The following IL16 variants were observed in gnomAD, a reference collection of about 807,000 sequenced individuals.
The protein encoded by IL16 is interleukin 16.
A neutral mutation model predicts 110.1 loss-of-function variants in IL16; 67 were observed. The ratio of observed to expected loss-of-function variants is 0.61; its 90% confidence interval spans 0.50 to 0.75. IL16 has a LOEUF of 0.75. Ranked by LOEUF, IL16 falls within the 30% of genes least tolerant of loss-of-function variation. The probability of loss-of-function intolerance (pLI) is 0.00; values close to 1 mark genes in which losing one functional copy is unlikely to be tolerated. For missense variants in IL16, 1,545 were observed against 1,655.0 expected, an observed-to-expected ratio of 0.93 and a Z score of 1.15; for synonymous variants, 689 against 662.9, an observed-to-expected ratio of 1.04 and a Z score of -0.61.
At chr15:81,193,520 G>A (rs1895531093), upstream of IL16, among the ~76,000 whole-genome samples, 2 of 152,054 alleles carry the variant, frequency 1.3e-5, no homozygotes, top group Admixed American at 1.3e-4. Context: ...CTTAGTGATG[G>A]AATATTACTT....
intron 5 of IL16, among the ~76,000 whole-genome samples, chr15:81,271,999 G>T (rs976750748): frequency 6.6e-6 from 1 of 152,244 alleles, no homozygotes; most frequent in Non-Finnish European, 1.5e-5. Context: ...TAAAGGGTCT[G>T]TCTAGGAGCC....
intron 1 of IL16, among the ~76,000 whole-genome samples, chr15:81,211,998 CTGAT>C (rs1334232648): frequency 6.6e-6 from 1 of 152,142 alleles, no homozygotes; most frequent in Non-Finnish European, 1.5e-5. Context: ...TGGTATTAGA[CTGAT>C]TGTGGCTTCA....
At position 81,300,269 on chromosome 15, in the gene IL16, C is replaced by A. The variant is rs575809541; in HGVS notation, c.2943C>A (p.Asp981Glu). 4 of 1,614,100 alleles carry A rather than the reference C, an allele frequency of 2.5e-6. No homozygotes were observed. The highest frequency in any genetic ancestry group is 2.7e-5 in the African/African-American group (2 of 74,930). ...AGTCCTGTGAGACGAAGCTACTTGA[C>A]GAAAAGACCAGCAAACTCTATTCTA... Reference protein sequence around the residue: ...RSQSCETKLLDEKTSKLYSIS... With the variant: ...RSQSCETKLLEEKTSKLYSIS... The change falls in exon 14 of 19, where the codon GAC becomes GAA. Residue 981 changes from aspartate to glutamate, a missense_variant. Physicochemically the swap from Asp to Glu is conservative, Grantham distance 45. Coordinates refer to ENST00000683961, the MANE Select transcript of IL16 (RefSeq NM_172217.5).
Position 81,269,587 on chromosome 15 carries a change from C to T in IL16, c.614C>T (p.Pro205Leu), listed in dbSNP as rs780811372. 1.2e-6 allele frequency: 2 copies of T among 1,614,176 alleles called. No homozygotes were observed. The highest frequency in any genetic ancestry group is 1.1e-5 in the South Asian group (1 of 91,084). The change falls in exon 5 of 19, where the codon CCA becomes CTA. Residue 205 changes from proline (P) to leucine (L), a missense_variant. This residue lies in a region of IL16 where 1,185 missense variants were observed against 1,238.8 expected (regional missense o/e 0.96). Transcript: ENST00000683961. ...CTGAGCACAGCTCAGCTCGTGCAGC[C>T]ATCTGGGGGCCTCCAGGCTTCAGTC... ...RSLSTAQLVQ[P>L]SGGLQASVIS... is the part of the protein sequence containing the mutation.
chr15:81,295,197 C>T lies in IL16; in HGVS notation c.1903-1731C>T, dbSNP rs184620710. 49 of 176,350 alleles carry T rather than the reference C, an allele frequency of 2.8e-4. 1 individual carries two copies. The East Asian group carries it at 8.0e-3, about 29-fold the overall frequency. 10.9% of individuals were successfully genotyped at this position (176,350 alleles called of 1,614,324 possible). Reference sequence around the variant, plus strand: ...AACAAACAAAAAAACCAAACAAAAACGTACTTTCTCCCCACTATGCTGAAT... The same window carrying T: ...AACAAACAAAAAAACCAAACAAAAATGTACTTTCTCCCCACTATGCTGAAT... On this transcript the variant is annotated intron_variant, in intron 12 of 18. Coordinates refer to ENST00000683961, the MANE Select transcript of IL16 (RefSeq NM_172217.5).
chr15:81,235,815 G>A (rs1897160677), intron 2 of IL16, among the ~76,000 whole-genome samples: 1 of 152,162 alleles, frequency 6.6e-6, no homozygotes, highest in African/African-American at 2.4e-5. Context: ...CCACCCTTAA[G>A]GCAGAGAGTC....
intron 8 of IL16, among the ~76,000 whole-genome samples, chr15:81,281,724 T>C (rs1308960125): frequency 2.0e-5 from 3 of 152,098 alleles, no homozygotes. Context: ...GCCCAGTTAC[T>C]CAAGCCAAAC....
rs184833442 is a variant in IL16 at position 81,186,201 on chromosome 15, G to A, written c.40+3305G>A. 1.1e-4 allele frequency among the ~76,000 whole-genome samples: 16 copies of A among 152,306 alleles called. No individual in the cohort carries two copies. The East Asian group carries it at 3.1e-3, about 29-fold the overall frequency. On this transcript the variant is annotated intron_variant, in intron 1 of 18. Transcript: ENST00000302987. ...CTTTCAGCACCAGGCATTGATTTAG[G>A]ATCAACCTGCATGAGCACTGACTCA... is the stretch of plus-strand genomic sequence containing the variant.
At chr15:81,294,556 G>C (rs554270643) in intron 12 of IL16, among the ~76,000 whole-genome samples, 2 of 152,280 alleles carry the variant, frequency 1.3e-5, no homozygotes, top group South Asian at 2.1e-4. Flanking sequence ...ACTTCCCACA[G>C]GTCATCTTTC....
chr15:81,189,569 T>C (rs1212828092), intron 1 of IL16, among the ~76,000 whole-genome samples: 1 of 152,158 alleles, frequency 6.6e-6, no homozygotes, highest in Non-Finnish European at 1.5e-5. Flanking sequence ...ACAGGTCTGA[T>C]CCACTACGAC....
rs2141668596 is a variant in IL16, at chr15:81,313,399, G to A, written c.*4601G>A. The A allele has an allele frequency of 6.5e-7, 1 of 1,543,080 alleles. No individual in the cohort carries two copies. The highest frequency in any genetic ancestry group is 1.2e-5 in the South Asian group (1 of 80,224). On this transcript the variant is annotated 3_prime_UTR_variant, in exon 19 of 19. Coordinates refer to ENST00000683961, the MANE Select transcript of IL16 (RefSeq NM_172217.5). ...AATGTGACCAGGTTGGTCTTGGTGGGTTCCCTGTGAAGGCAACAGCAGAGC... is the reference window on the plus strand; with the variant it reads ...AATGTGACCAGGTTGGTCTTGGTGGATTCCCTGTGAAGGCAACAGCAGAGC...
In IL16 at chr15:81,290,434, G is replaced by C; in HGVS notation, c.1333-19G>C. ...GGAGCTTCTACTGTTTGTTTGAGGA[G>C]ATGACTGATATTTTCTAGGTCTCTG... On this transcript the variant is annotated intron_variant, in intron 10 of 18. Coordinates refer to ENST00000683961, the MANE Select transcript of IL16 (RefSeq NM_172217.5). 1 of 1,592,508 alleles carries C rather than the reference G, an allele frequency of 6.3e-7. No individual in the cohort carries two copies. The highest frequency in any genetic ancestry group is 2.3e-5 in the East Asian group (1 of 44,170).
At chr15:81,188,285 G>A (rs1895445817) in intron 1 of IL16, 4 of 455,684 alleles carry the variant, frequency 8.8e-6, no homozygotes, top group South Asian at 4.7e-5. Flanking sequence ...ATGAGGTGGA[G>A]AGGGGGAGGG....
rs149734206 is a variant in IL16, at chr15:81,183,853, C to G, written c.40+957C>G. Among the ~76,000 whole-genome samples the G allele has an allele frequency of 3.0e-3, 456 of 152,318 alleles. 2 individuals are homozygous for G. Among genetic ancestry groups the G allele is most frequent in the African/African-American group, 0.011 (445 of 41,566 alleles). ...AAGGCATTCAAAGGCTCACTTTCCT[C>G]CTTTGCAAAACGGTGGTCATAAATT... is the stretch of plus-strand genomic sequence containing the variant. On this transcript the variant is annotated intron_variant, in intron 1 of 18. Transcript: ENST00000302987.
At chr15:81,252,559 C>T (rs1377663736) in intron 2 of IL16, among the ~76,000 whole-genome samples, 1 of 152,068 alleles carries the variant, frequency 6.6e-6, no homozygotes, top group Non-Finnish European at 1.5e-5. Flanking sequence ...CAGAGTTGTA[C>T]AACCACACCA....
At position 81,296,971 on chromosome 15, in the gene IL16, C is replaced by A; in HGVS notation, c.1946C>A (p.Thr649Lys). The A allele has an allele frequency of 6.2e-7, 1 of 1,613,698 alleles. No individual in the cohort carries two copies. Among genetic ancestry groups the A allele is most frequent in the East Asian group, 2.2e-5 (1 of 44,872 alleles). Residue 649 changes from threonine to lysine, a missense_variant, in exon 13 of 19, where the codon ACA becomes AAA. Physicochemically the swap from Thr to Lys is moderately conservative, Grantham distance 78. Around this residue, in one of 3 missense-constraint regions of IL16, gnomAD observed 1,185 missense variants for 1,238.8 expected, o/e 0.96. Coordinates refer to ENST00000683961, the MANE Select transcript of IL16 (RefSeq NM_172217.5). The stretch of plus-strand genomic sequence containing the variant: ...CCACTGCTGCTACCACAGGAAGACA[C>A]AGCAGGGAGAAGCCCTAGTGCCTCT... Reference protein sequence around the residue: ...LLPLLLPQEDTAGRSPSASAG... With the variant: ...LLPLLLPQEDKAGRSPSASAG...
intron 2 of IL16, among the ~76,000 whole-genome samples, chr15:81,230,846 G>A (rs2142058491): frequency 6.6e-6 from 1 of 152,300 alleles, no homozygotes; most frequent in Admixed American, 6.5e-5. Flanking sequence ...CTCTCCAGGA[G>A]GCTCAGTATA....
chr15:81,241,413 T>C (rs1435191386), intron 2 of IL16, among the ~76,000 whole-genome samples: 5 of 152,104 alleles, frequency 3.3e-5, no homozygotes, highest in Non-Finnish European at 5.9e-5. Flanking sequence ...ACCACTTTAA[T>C]AGACATGATA....
intron 4 of IL16, among the ~76,000 whole-genome samples, chr15:81,269,123 G>A (rs1444359836): frequency 6.6e-6 from 1 of 152,246 alleles, no homozygotes; most frequent in Non-Finnish European, 1.5e-5. Flanking sequence ...ACCACCTCCT[G>A]CCTGGCACAA....
Sources: allele counts gnomAD v4.1 joint callset (sites outside exome capture counted in the v4.1 genomes callset), GRCh38; gene constraint gnomAD v4.1.1; regional missense constraint gnomAD v4.1.1; transcripts MANE v1.5; gene names NCBI Gene and HGNC (gene_info 2026-07-23, HGNC 2026-07-21).